The following MGAT5 variants were observed in gnomAD, a reference collection of about 807,000 sequenced individuals.
MGAT5 encodes the protein alpha-1,6-mannosylglycoprotein 6-beta-N-acetylglucosaminyltransferase A.
In MGAT5, 30 loss-of-function variants were observed where a neutral mutation model predicts 94.3. The observed-to-expected ratio is 0.32, with a 90% CI of 0.24 to 0.43. MGAT5 has a LOEUF of 0.43. Ranked by LOEUF, MGAT5 falls within the 20% of genes least tolerant of loss-of-function variation. The pLI is 1.00. For synonymous variants in MGAT5, 310 were observed against 322.9 expected (o/e 0.96, Z 0.43); for missense variants, 691 against 905.5 (o/e 0.76, Z 3.04).
intron 10 of MGAT5, among the ~76,000 whole-genome samples, chr2:134,366,060 A>T (rs1478445812): frequency 1.3e-5 from 2 of 152,100 alleles, no homozygotes; most frequent in African/African-American, 2.4e-5. Context: ...ATCAAATGAG[A>T]CTACTAACAG....
chr2:134,368,767 C>T (rs2106144370), intron 10 of MGAT5, among the ~76,000 whole-genome samples: 1 of 152,312 alleles, frequency 6.6e-6, no homozygotes, highest in African/African-American at 2.4e-5. Flanking sequence ...AGGCTCTCTG[C>T]AAGCCAGCCA....
chr2:134,180,760 A>G (rs764036077), intron 1 of MGAT5, among the ~76,000 whole-genome samples: 1 of 152,148 alleles, frequency 6.6e-6, no homozygotes, highest in Non-Finnish European at 1.5e-5. Flanking sequence ...AAGAGATTCC[A>G]AGAAGGAGAC....
chr2:134,242,996 A>G (rs1281542711), intron 1 of MGAT5, among the ~76,000 whole-genome samples: 2 of 151,682 alleles, frequency 1.3e-5, no homozygotes, highest in Admixed American at 6.6e-5. Flanking sequence ...CTACCTTGGC[A>G]GATGAATTAT....
chr2:134,385,172 C>T lies in MGAT5; in HGVS notation c.1381-17816C>T, dbSNP rs185409012. On this transcript the variant is annotated intron_variant, in intron 10 of 15. Transcript: ENST00000281923. The stretch of plus-strand genomic sequence containing the variant: ...GAAAAATGGTTATGAACCAAAGTGA[C>T]TTACATGTTCTGTTTACATCATTTC... Among the ~76,000 whole-genome samples, 5 of 152,306 alleles carry T rather than the reference C, an allele frequency of 3.3e-5. No individual in the cohort carries two copies. In the East Asian group the frequency reaches 5.8e-4, roughly 18 times the overall value.
chr2:134,232,186 T>C (rs1328915360), intron 1 of MGAT5, among the ~76,000 whole-genome samples: 4 of 152,206 alleles, frequency 2.6e-5, no homozygotes. Flanking sequence ...GGTTTCTTAT[T>C]ATGACTGGAC....
At chr2:134,389,013 G>A (rs982060282) in intron 10 of MGAT5, among the ~76,000 whole-genome samples, 3 of 152,020 alleles carry the variant, frequency 2.0e-5, no homozygotes, top group East Asian at 1.9e-4. Context: ...GGCCTGCCTC[G>A]GCCTCCCAAA....
intron 2 of MGAT5, among the ~76,000 whole-genome samples, chr2:134,295,560 G>A (rs1685623315): frequency 6.6e-6 from 1 of 152,242 alleles, no homozygotes; most frequent in Non-Finnish European, 1.5e-5. Flanking sequence ...TCACTTTAAG[G>A]GTATTCATTC....
intron 2 of MGAT5, among the ~76,000 whole-genome samples, chr2:134,295,179 T>G (rs112017156): frequency 2.2e-3 from 328 of 152,018 alleles, no homozygotes; most frequent in Non-Finnish European, 3.5e-3. Flanking sequence ...TTATGTTGAT[T>G]GACATTTGAT....
chr2:134,153,756 A>T (rs1044583964), intron 1 of MGAT5, among the ~76,000 whole-genome samples: 1 of 152,092 alleles, frequency 6.6e-6, no homozygotes, highest in Non-Finnish European at 1.5e-5. Flanking sequence ...CCACTCGAGG[A>T]CGATTTCCTT....
At chr2:134,129,387 T>TTG (rs1686010054) in intron 1 of MGAT5, among the ~76,000 whole-genome samples, 1 of 152,192 alleles carries the variant, frequency 6.6e-6, no homozygotes, top group Non-Finnish European at 1.5e-5. Flanking sequence ...CTACAGGTAC[T>TTG]TGATATAATG....
chr2:134,257,994 T>A (rs1318137993), intron 1 of MGAT5, among the ~76,000 whole-genome samples: 2 of 152,090 alleles, frequency 1.3e-5, no homozygotes, highest in Non-Finnish European at 2.9e-5. Flanking sequence ...CTTTATCTCA[T>A]CCCCATATTG....
chr2:134,343,345 T>C (rs918184209), intron 7 of MGAT5, among the ~76,000 whole-genome samples: 3 of 152,148 alleles, frequency 2.0e-5, no homozygotes, highest in Non-Finnish European at 2.9e-5. Context: ...AGGAAATGAC[T>C]TTATTGGAGG....
chr2:134,428,615 C>T (rs150927291), intron 14 of MGAT5, among the ~76,000 whole-genome samples, 176 bp downstream of exon 14: 17 of 152,196 alleles, frequency 1.1e-4, no homozygotes, highest in Admixed American at 6.5e-4. Context: ...AACCAGTATT[C>T]CCTTGGAGTA....
chr2:134,331,757 G>A lies in MGAT5; in HGVS notation c.574-4460G>A, dbSNP rs115532247. ...AGGTGGTCATAGACAGCTGTAGGAC[G>A]CTAGGGCTCTGAGAGCCAAGAGTAG... On this transcript the variant is annotated intron_variant, in intron 4 of 15. Coordinates refer to ENST00000281923, the MANE Select transcript of MGAT5 (RefSeq NM_002410.5). 5.4e-3 allele frequency among the ~76,000 whole-genome samples: 825 copies of A among 151,718 alleles called. 8 individuals carry two copies. The highest frequency in any genetic ancestry group is 0.019 in the African/African-American group (784 of 41,078).
chr2:134,311,709 TTCCAGATC>T (rs1686675357), intron 2 of MGAT5, among the ~76,000 whole-genome samples: 1 of 152,190 alleles, frequency 6.6e-6, no homozygotes, highest in Non-Finnish European at 1.5e-5. Flanking sequence ...GTAACCATAT[TTCCAGATC>T]TCCTTTGTTC....
intron 1 of MGAT5, among the ~76,000 whole-genome samples, chr2:134,135,339 T>C (rs1686353408): frequency 6.6e-6 from 1 of 152,148 alleles, no homozygotes; most frequent in Non-Finnish European, 1.5e-5. Flanking sequence ...TGTAAAGTAA[T>C]GTTTTTTCTC....
chr2:134,269,462 T>C (rs911363483), intron 1 of MGAT5, among the ~76,000 whole-genome samples: 3 of 152,216 alleles, frequency 2.0e-5, no homozygotes, highest in Admixed American at 2.0e-4. Flanking sequence ...AATTCAGAAA[T>C]GGGTCTGGAT....
chr2:134,122,323 C>A (rs931797398), intron 1 of MGAT5, among the ~76,000 whole-genome samples: 2 of 152,186 alleles, frequency 1.3e-5, no homozygotes, highest in African/African-American at 4.8e-5. Flanking sequence ...AGGCTGGTCG[C>A]GAACTCCTGA....
intron 1 of MGAT5, among the ~76,000 whole-genome samples, chr2:134,185,451 A>T (rs558137373): frequency 7.1e-4 from 108 of 152,348 alleles, no homozygotes; most frequent in Non-Finnish European, 1.3e-3. Context: ...ATCAGTAAAA[A>T]AGAAACTTAA....
Sources: allele counts gnomAD v4.1 joint callset (sites outside exome capture counted in the v4.1 genomes callset), GRCh38; gene constraint gnomAD v4.1.1; transcripts MANE v1.5; gene names NCBI Gene and HGNC (gene_info 2026-07-23, HGNC 2026-07-21).